BCAS3: variants seen among roughly 807,000 people sequenced by gnomAD.
BCAS3 encodes BCAS4/BCAS3 fusion.
A neutral mutation model predicts 116.1 loss-of-function variants in BCAS3; 53 were observed. The ratio of observed to expected loss-of-function variants is 0.46; its 90% CI spans 0.37 to 0.57. The LOEUF is 0.57. Among genes scored for constraint, BCAS3 ranks in the 20% least tolerant of loss-of-function variants. The pLI is 0.00. For missense variants in BCAS3, 917 were observed against 1,165.4 expected (o/e 0.79, Z 3.10); for synonymous variants, 391 against 408.2 (o/e 0.96, Z 0.51).
Position 61,029,898 on chromosome 17 carries a change from GGAGAA to G in BCAS3, c.1638-4767_1638-4763del, listed in dbSNP as rs531841228. ...TTGAAAGATACGATTTATATGGAGA[GGAGAA>G]TTTATTCTTACCTGCCACATTTACA... On this transcript the variant is annotated intron_variant, in intron 16 of 23. Transcript: ENST00000407086. The surrounding 1 kb of genome is among the most constrained non-coding windows in gnomAD (Gnocchi z 5.2). Among the ~76,000 whole-genome samples the G allele has an allele frequency of 5.1e-4, 77 of 151,920 alleles. No homozygotes were observed. The highest frequency in any genetic ancestry group is 1.7e-3 in the African/African-American group (72 of 41,516).
intron 11 of BCAS3, among the ~76,000 whole-genome samples, chr17:60,908,078 A>G (rs563307050): frequency 8.5e-5 from 13 of 152,282 alleles, no homozygotes; most frequent in Non-Finnish European, 1.6e-4. Context: ...AACTTGCTAT[A>G]CAAATTGCAT....
chr17:61,041,785 A>G lies in BCAS3; in HGVS notation c.2029+893A>G, dbSNP rs944633859. 2.6e-5 allele frequency among the ~76,000 whole-genome samples: 4 copies of G among 151,864 alleles called. No individual in the cohort carries two copies. The highest frequency in any genetic ancestry group is 6.6e-5 in the Admixed American group (1 of 15,246). ...ATAGACTTTGCTCTCAAGTTATGAA[A>G]CTCTATAACTGTAATCAATAGTTGG... On this transcript the variant is annotated intron_variant, in intron 19 of 23. Coordinates refer to ENST00000407086, the MANE Select transcript of BCAS3 (RefSeq NM_017679.5). This position sits in a 1 kb window ranked among gnomAD's most constrained non-coding sequence, Gnocchi z 4.7.
intron 22 of BCAS3, among the ~76,000 whole-genome samples, chr17:61,237,517 AT>A (rs1011473600): frequency 2.0e-5 from 3 of 152,194 alleles, no homozygotes; most frequent in Non-Finnish European, 4.4e-5. Context: ...GCTCTTCACA[AT>A]AAATCTTGTG....
chr17:60,683,718 G>T (rs2033593670), intron 2 of BCAS3, among the ~76,000 whole-genome samples: 1 of 151,524 alleles, frequency 6.6e-6, no homozygotes, highest in South Asian at 2.1e-4. Flanking sequence ...TGTAGTCCCA[G>T]CTACTTGGGA....
chr17:60,798,801 G>A (rs190019533), intron 6 of BCAS3, among the ~76,000 whole-genome samples: 10 of 152,352 alleles, frequency 6.6e-5, no homozygotes, highest in African/African-American at 2.4e-4. Context: ...ATTCCCATTA[G>A]CAGTATGTGA....
At chr17:60,786,450 A>T (rs1294957420) in intron 6 of BCAS3, among the ~76,000 whole-genome samples, 1 of 151,972 alleles carries the variant, frequency 6.6e-6, no homozygotes, top group Non-Finnish European at 1.5e-5. Flanking sequence ...TGAGCCTGGG[A>T]GGTTGAGGCT....
rs1467993409 is a variant in BCAS3, at chr17:61,139,306, C to T, written c.2425+54742C>T. On this transcript the variant is annotated intron_variant, in intron 22 of 23. Coordinates refer to ENST00000407086, the MANE Select transcript of BCAS3 (RefSeq NM_017679.5). The surrounding 1 kb of genome is among the most constrained non-coding windows in gnomAD (Gnocchi z 4.7). ...TTTTTCTTCATTTCCTGATTTGCTT[C>T]TTTAAGGAAGTGCGAGAAGGTTAAA... Among the ~76,000 whole-genome samples, 1 of 152,092 alleles carries T rather than the reference C, an allele frequency of 6.6e-6. No individual in the cohort carries two copies. Among genetic ancestry groups the T allele is most frequent in the Non-Finnish European group, 1.5e-5 (1 of 68,014 alleles).
At chr17:60,748,524 A>G (rs538752216) in intron 6 of BCAS3, among the ~76,000 whole-genome samples, 2 of 152,298 alleles carry the variant, frequency 1.3e-5, no homozygotes, top group Non-Finnish European at 2.9e-5. Flanking sequence ...GTCCTTTTCT[A>G]GAAGGGTTTT....
chr17:61,376,261 G>A lies in BCAS3; in HGVS notation c.2593+7767G>A, dbSNP rs1187756653. ...AGGTGAGCCTCCTTTATGGGTCCTGGGTTAGCCACACTGTTCCTGTCCTAA... is the reference window on the plus strand; with the variant it reads ...AGGTGAGCCTCCTTTATGGGTCCTGAGTTAGCCACACTGTTCCTGTCCTAA... On this transcript the variant is annotated intron_variant, in intron 23 of 23. Coordinates refer to ENST00000407086, the MANE Select transcript of BCAS3 (RefSeq NM_017679.5). The surrounding 1 kb of genome is among the most constrained non-coding windows in gnomAD (Gnocchi z 4.5). Among the ~76,000 whole-genome samples the A allele has an allele frequency of 1.3e-5, 2 of 152,140 alleles. No individual in the cohort carries two copies. Among genetic ancestry groups the A allele is most frequent in the Admixed American group, 6.5e-5 (1 of 15,274 alleles).
intron 6 of BCAS3, among the ~76,000 whole-genome samples, chr17:60,789,582 A>G (rs2144531504): frequency 6.6e-6 from 1 of 152,324 alleles, no homozygotes; most frequent in South Asian, 2.1e-4. Context: ...TAGTTTTTAT[A>G]TTTGATGGAT....
At chr17:60,717,959 T>G (rs2038821107) in intron 5 of BCAS3, among the ~76,000 whole-genome samples, 1 of 152,210 alleles carries the variant, frequency 6.6e-6, no homozygotes, top group Non-Finnish European at 1.5e-5. Flanking sequence ...TGGGAAACAG[T>G]GACAGATCAT....
At chr17:61,310,831 G>C (rs757708982) in intron 22 of BCAS3, among the ~76,000 whole-genome samples, 5 of 152,174 alleles carry the variant, frequency 3.3e-5, no homozygotes. Context: ...GTTTTGGCCT[G>C]TGTGTGTAGG....
Position 60,889,687 on chromosome 17 carries a change from T to A in BCAS3, c.662-8T>A, listed in dbSNP as rs1367581194. On this transcript the variant is annotated splice_polypyrimidine_tract_variant and splice_region_variant and intron_variant, in intron 9 of 23. Coordinates refer to ENST00000407086, the MANE Select transcript of BCAS3 (RefSeq NM_017679.5). ...AATTTCTCAATAGTGCCATTTGAAA[T>A]TTTTCAGGCTGCTATCCATGTCCAG... 9 of 1,611,538 alleles carry A rather than the reference T, an allele frequency of 5.6e-6. No individual in the cohort carries two copies. Among genetic ancestry groups the A allele is most frequent in the Non-Finnish European group, 7.6e-6 (9 of 1,178,616 alleles).
chr17:61,005,782 CTTTT>C (rs975799628), intron 15 of BCAS3, among the ~76,000 whole-genome samples: 1 of 135,584 alleles, frequency 7.4e-6, no homozygotes, highest in East Asian at 2.0e-4. Context: ...GAAAAAATTT[CTTTT>C]TTTTCTTTTT....
At position 61,256,260 on chromosome 17, in the gene BCAS3, T is replaced by TTGTTTGTG. The variant is rs1216901304; in HGVS notation, c.2426-112060_2426-112059insGTGTTTGT. The stretch of plus-strand genomic sequence containing the variant: ...AAGAGGTAGTTTGGTTTTTGTTTGT[T>TTGTTTGTG]TGTTTGTTTGTTTGTTTGTTTTTCA... On this transcript the variant is annotated intron_variant, in intron 22 of 23. Coordinates refer to ENST00000407086, the MANE Select transcript of BCAS3 (RefSeq NM_017679.5). This position sits in a 1 kb window ranked among gnomAD's most constrained non-coding sequence, Gnocchi z 5.6. Among the ~76,000 whole-genome samples, 1 of 151,800 alleles carries TTGTTTGTG rather than the reference T, an allele frequency of 6.6e-6. No individual in the cohort carries two copies. The highest frequency in any genetic ancestry group is 1.5e-5 in the Non-Finnish European group (1 of 67,972).
Position 61,063,717 on chromosome 17 carries a change from A to G in BCAS3, c.2030-11203A>G, listed in dbSNP as rs1053223206. ...AAAGTTTGCTCACCTTTAATTTTTC[A>G]GTCAGAATTGGGGAAGTGGAACCAA... On this transcript the variant is annotated intron_variant, in intron 19 of 23. Transcript: ENST00000407086. The surrounding 1 kb of genome is among the most constrained non-coding windows in gnomAD (Gnocchi z 5.3). Among the ~76,000 whole-genome samples, 1 of 152,196 alleles carries G rather than the reference A, an allele frequency of 6.6e-6. No homozygotes were observed. Among genetic ancestry groups the G allele is most frequent in the African/African-American group, 2.4e-5 (1 of 41,462 alleles).
intron 22 of BCAS3, among the ~76,000 whole-genome samples, chr17:61,206,875 T>G (rs2081173128): frequency 6.6e-6 from 1 of 150,520 alleles, no homozygotes; most frequent in Non-Finnish European, 1.5e-5. Flanking sequence ...TTTACTTTGA[T>G]CCAATCAAGT....
At chr17:60,682,890 C>T (rs936806741) in intron 2 of BCAS3, among the ~76,000 whole-genome samples, 4 of 152,116 alleles carry the variant, frequency 2.6e-5, no homozygotes, top group Admixed American at 6.6e-5. Flanking sequence ...ATTTAAAATA[C>T]ATTAATTTAG....
At position 60,823,505 on chromosome 17, in the gene BCAS3, G is replaced by A. The variant is rs191414197; in HGVS notation, c.476+15429G>A. Reference sequence around the variant, plus strand: ...CTTGAGCCCAGGAGTTCAAGGCTGCGGTGAGTTGTGATTGTACCACCGCGA... The same window carrying A: ...CTTGAGCCCAGGAGTTCAAGGCTGCAGTGAGTTGTGATTGTACCACCGCGA... On this transcript the variant is annotated intron_variant, in intron 7 of 23. Transcript: ENST00000407086. Among the ~76,000 whole-genome samples the A allele has an allele frequency of 2.4e-4, 36 of 152,036 alleles. No individual in the cohort carries two copies. The East Asian group carries it at 2.9e-3, about 12-fold the overall frequency.
Sources: gnomAD v4.1 joint callset for allele counts (sites outside exome capture counted in the v4.1 genomes callset) on GRCh38, gnomAD v4.1.1 for gene constraint, Gnocchi (gnomAD v3.1) non-coding constraint, MANE v1.5 for transcripts, NCBI Gene and HGNC (gene_info 2026-07-23, HGNC 2026-07-21) for gene names.